The following PLCL1 variants were observed in gnomAD, a reference collection of about 807,000 sequenced individuals.
The protein encoded by PLCL1 is phospholipase C like 1 (inactive).
PLCL1 carries 41 observed loss-of-function variants against 84.4 expected under a neutral mutation model. The observed-to-expected ratio is 0.49, with a 90% CI of 0.38 to 0.63. The LOEUF (loss-of-function observed/expected upper bound fraction) is 0.63. PLCL1 is among the 30% of genes least tolerant of loss of function. The pLI, the probability that PLCL1 is intolerant of heterozygous loss-of-function variation, is 0.00. For synonymous variants in PLCL1, 490 were observed against 488.3 expected, an observed-to-expected ratio of 1.00 and a Z score of -0.05; for missense variants, 1,206 against 1,367.8, an observed-to-expected ratio of 0.88 and a Z score of 1.87.
chr2:197,841,142 TG>T lies in PLCL1; in HGVS notation c.240+35804del, dbSNP rs1261112207. On this transcript the variant is annotated intron_variant, in intron 1 of 5. Coordinates refer to ENST00000428675, the MANE Select transcript of PLCL1 (RefSeq NM_006226.4). Reference sequence around the variant, plus strand: ...CCCTATAATTAATGTCTTGCATTAGTGTGATACATTTGTTACTTTGATAAGC... The same window carrying T: ...CCCTATAATTAATGTCTTGCATTAGTTGATACATTTGTTACTTTGATAAGC... 2.7e-3 allele frequency among the ~76,000 whole-genome samples: 404 copies of T among 152,334 alleles called. 4 individuals are homozygous for T. The highest frequency in any genetic ancestry group is 9.4e-3 in the African/African-American group (389 of 41,578).
chr2:197,978,442 C>T (rs949885048), intron 1 of PLCL1, among the ~76,000 whole-genome samples: 4 of 152,194 alleles, frequency 2.6e-5, no homozygotes, highest in African/African-American at 9.6e-5. Context: ...GGCGGCACTG[C>T]ACTCCAGCCT....
In PLCL1 at chr2:198,085,219, A is replaced by T. The variant is rs572912797; in HGVS notation, c.1702A>T (p.Met568Leu). The T allele has an allele frequency of 1.9e-6, 3 of 1,613,990 alleles. No homozygotes were observed. Among genetic ancestry groups the T allele is most frequent in the African/African-American group, 2.7e-5 (2 of 75,040 alleles). ...TGAAGAAGCTGAAATGTCTCGAAGG[A>T]TGTCGGTAGATTACAATGGTGAGCA... The part of the protein sequence containing the change: ...EDEEAEMSRR[M>L]SVDYNGEQKQ... Residue 568 changes from methionine (M) to leucine (L), a missense_variant, in exon 2 of 6, where the codon ATG (methionine) becomes TTG (leucine). Met to Leu is a conservative substitution (Grantham distance 15). Coordinates refer to ENST00000428675, the MANE Select transcript of PLCL1 (RefSeq NM_006226.4). This position sits in a 1 kb window ranked among gnomAD's most constrained non-coding sequence, Gnocchi z 5.3.
At chr2:197,886,411 CAAAAAA>C (rs61183744) in intron 1 of PLCL1, among the ~76,000 whole-genome samples, 6 of 77,078 alleles carry the variant, frequency 7.8e-5, no homozygotes, top group Non-Finnish European at 1.6e-4. Flanking sequence ...GACTCTGTCT[CAAAAAA>C]AAAAAAAAAA....
chr2:198,117,520 C>T (rs1352757069), intron 5 of PLCL1, among the ~76,000 whole-genome samples: 1 of 151,742 alleles, frequency 6.6e-6, no homozygotes, highest in Non-Finnish European at 1.5e-5. Flanking sequence ...GTCCTATAGA[C>T]ACTTGAGAGT....
intron 1 of PLCL1, among the ~76,000 whole-genome samples, chr2:197,825,867 G>C (rs1360723764): frequency 6.6e-6 from 1 of 152,228 alleles, no homozygotes; most frequent in Non-Finnish European, 1.5e-5. Flanking sequence ...AAGGCTTGCA[G>C]GTGAATAATG....
intron 1 of PLCL1, among the ~76,000 whole-genome samples, chr2:197,937,897 C>T (rs1239585428): frequency 6.6e-6 from 1 of 151,988 alleles, no homozygotes; most frequent in Non-Finnish European, 1.5e-5. Flanking sequence ...GACTTGGGGT[C>T]CCATAATGTT....
At chr2:198,103,158 C>T (rs1693385100) in intron 4 of PLCL1, among the ~76,000 whole-genome samples, 3 of 152,050 alleles carry the variant, frequency 2.0e-5, no homozygotes, top group South Asian at 4.1e-4. Context: ...AAGACATATG[C>T]ATTCCTCACA....
chr2:197,905,132 G>C (rs1268020443), intron 1 of PLCL1, among the ~76,000 whole-genome samples: 2 of 152,124 alleles, frequency 1.3e-5, no homozygotes, highest in Non-Finnish European at 2.9e-5. Flanking sequence ...AGAATGTGCA[G>C]GTTTGTTACA....
chr2:197,995,598 C>T (rs572551093), intron 1 of PLCL1, among the ~76,000 whole-genome samples: 34 of 151,978 alleles, frequency 2.2e-4, no homozygotes, highest in African/African-American at 2.2e-4. Context: ...CAACCCTGGG[C>T]GGAGAGCACA....
At chr2:198,053,199 T>G (rs1323943647) in intron 1 of PLCL1, among the ~76,000 whole-genome samples, 1 of 152,240 alleles carries the variant, frequency 6.6e-6, no homozygotes, top group Non-Finnish European at 1.5e-5. Context: ...TGAATTTATC[T>G]TATGAACTAA....
intron 1 of PLCL1, among the ~76,000 whole-genome samples, chr2:197,864,349 CT>C (rs751518994): frequency 3.1e-3 from 410 of 131,114 alleles, no homozygotes; most frequent in Non-Finnish European, 3.1e-3. Flanking sequence ...TCAACTCTTT[CT>C]TTTTTTTTTT....
chr2:198,011,912 C>A (rs1241100101), intron 1 of PLCL1, among the ~76,000 whole-genome samples: 3 of 152,068 alleles, frequency 2.0e-5, no homozygotes, highest in African/African-American at 7.2e-5. Context: ...TTGTTTGATA[C>A]AACTCTGGTC....
At chr2:197,950,506 G>A (rs1689368093) in intron 1 of PLCL1, among the ~76,000 whole-genome samples, 2 of 152,078 alleles carry the variant, frequency 1.3e-5, no homozygotes, top group Admixed American at 1.3e-4. Context: ...AAACCAGAAA[G>A]GAATATGGTA....
rs376279255 is a variant in PLCL1, at chr2:198,125,730, G to T, written c.3106-21050G>T. Among the ~76,000 whole-genome samples the T allele has an allele frequency of 4.6e-5, 7 of 152,196 alleles. No homozygotes were observed. The East Asian group carries it at 9.7e-4, about 21-fold the overall frequency. On this transcript the variant is annotated intron_variant, in intron 5 of 5. Coordinates refer to ENST00000428675, the MANE Select transcript of PLCL1 (RefSeq NM_006226.4). ...TATGCTTTGGCTGCCACACCTAAAG[G>T]TCACTCTTTGAAGGGAGCTGAGACA...
chr2:197,916,291 T>C (rs945871798), intron 1 of PLCL1, among the ~76,000 whole-genome samples: 6 of 152,360 alleles, frequency 3.9e-5, no homozygotes, highest in Admixed American at 1.3e-4. Context: ...TAGCTTTTTA[T>C]CTTTCTAGTT....
At chr2:197,944,875 C>T (rs1433124780) in intron 1 of PLCL1, among the ~76,000 whole-genome samples, 1 of 152,184 alleles carries the variant, frequency 6.6e-6, no homozygotes, top group East Asian at 1.9e-4. Context: ...AGATGTTAGA[C>T]TGCAGTCACT....
At chr2:197,904,789 A>T (rs1688343214) in intron 1 of PLCL1, among the ~76,000 whole-genome samples, 1 of 152,238 alleles carries the variant, frequency 6.6e-6, no homozygotes, top group Non-Finnish European at 1.5e-5. Context: ...TCTGTTAATT[A>T]GAAAAAAATT....
chr2:198,026,253 A>G (rs1691262305), intron 1 of PLCL1, among the ~76,000 whole-genome samples: 1 of 152,216 alleles, frequency 6.6e-6, no homozygotes, highest in African/African-American at 2.4e-5. Context: ...GATTTCTTAG[A>G]GCTTTTAGTA....
chr2:197,897,100 T>C (rs571243447), intron 1 of PLCL1, among the ~76,000 whole-genome samples: 60 of 37,726 alleles, frequency 1.6e-3, no homozygotes, highest in African/African-American at 8.5e-3. Flanking sequence ...GTATGACTCC[T>C]TCTTCTTCTT....
Sources: allele counts gnomAD v4.1 joint callset (sites outside exome capture counted in the v4.1 genomes callset), GRCh38; gene constraint gnomAD v4.1.1; non-coding constraint Gnocchi (gnomAD v3.1); transcripts MANE v1.5; gene names NCBI Gene and HGNC (gene_info 2026-07-23, HGNC 2026-07-21).